Variants in YLPM1 observed in about 807,000 individuals in gnomAD.
YLPM1 encodes YLP motif-containing protein 1.
YLPM1 carries 99 observed loss-of-function variants against 230.0 expected under a neutral mutation model. That is an observed-to-expected ratio of 0.43 (90% confidence interval 0.37 to 0.51). The LOEUF (loss-of-function observed/expected upper bound fraction) is 0.51, where lower values mean the gene tolerates loss of function less well. YLPM1 is among the 20% of genes least tolerant of loss of function. The pLI is 0.00. For missense variants in YLPM1, 2,592 were observed against 2,707.7 expected (o/e 0.96, Z 0.95); for synonymous variants, 984 against 942.5 (o/e 1.04, Z -0.81).
rs367828677 is a variant in YLPM1, at chr14:74,836,003, C to T, written c.*265C>T. 6 of 419,318 alleles carry T rather than the reference C, an allele frequency of 1.4e-5. No homozygotes were observed. Among genetic ancestry groups the T allele is most frequent in the Non-Finnish European group, 2.4e-5 (5 of 211,180 alleles). 26.0% of individuals were successfully genotyped at this position (419,318 alleles called of 1,614,324 possible). ...TGATAGCTTAACTGCTGAAGCCAGG[C>T]GGGGGTCTGCTGGAGGATTCCAACA... On this transcript the variant is annotated 3_prime_UTR_variant, in exon 21 of 21. Coordinates refer to ENST00000325680, the MANE Select transcript of YLPM1 (RefSeq NM_019589.3).
At chr14:74,824,505 A>G (rs2091547330) in intron 18 of YLPM1, among the ~76,000 whole-genome samples, 198 bp downstream of exon 18, 1 of 152,136 alleles carries the variant, frequency 6.6e-6, no homozygotes, top group Non-Finnish European at 1.5e-5. Context: ...AACTGCTTTC[A>G]ATACTATTTA....
intron 2 of YLPM1, among the ~76,000 whole-genome samples, chr14:74,779,417 C>T (rs1384691797): frequency 6.6e-6 from 1 of 152,084 alleles, no homozygotes; most frequent in Non-Finnish European, 1.5e-5. Context: ...TAGTAGCTAT[C>T]ATATAGAGGT....
At chr14:74,768,049 C>T (rs2090930755) in intron 1 of YLPM1, among the ~76,000 whole-genome samples, 2 of 152,072 alleles carry the variant, frequency 1.3e-5, no homozygotes, top group Non-Finnish European at 2.9e-5. Flanking sequence ...TTTCATTAGA[C>T]AGAGGTTGCA....
Position 74,809,429 on chromosome 14 carries a change from C to A in YLPM1, c.4571C>A (p.Ser1524Ter). 1 of 1,607,608 alleles carries A rather than the reference C, an allele frequency of 6.2e-7. No individual in the cohort carries two copies. Among genetic ancestry groups the A allele is most frequent in the African/African-American group, 1.3e-5 (1 of 74,972 alleles). Reference protein sequence around the residue: ...PPPPMGKPPGSIVRPSAPPAR... With the variant: ...PPPPMGKPPG The stretch of plus-strand genomic sequence containing the variant: ...CCTCCTATGGGCAAACCACCAGGTT[C>A]AATTGTAAGACCCTCTGCTCCACCA... Residue 1524 changes from serine to a stop codon, truncating the protein, a stop_gained, in exon 7 of 21, where the codon TCA (serine) becomes TAA (stop). Coordinates refer to ENST00000325680, the MANE Select transcript of YLPM1 (RefSeq NM_019589.3). LOFTEE classifies it high-confidence loss of function.
At chr14:74,775,477 A>G (rs2091026439) in intron 1 of YLPM1, among the ~76,000 whole-genome samples, 1 of 152,246 alleles carries the variant, frequency 6.6e-6, no homozygotes, top group South Asian at 2.1e-4. Context: ...AGGAAATCCT[A>G]GTTATCCAGA....
Position 74,798,593 on chromosome 14 carries a change from GGA to G in YLPM1, c.3298_3299del (p.Ser1100ProfsTer31). Reference sequence around the variant, plus strand: ...GAGAAAGTGCCAGGTGGTCTTCAAGGGAGCCAGGACAGGGGTGCAGCTGGCAG... The same window carrying G: ...GAGAAAGTGCCAGGTGGTCTTCAAGGGCCAGGACAGGGGTGCAGCTGGCAG... On this transcript the variant is annotated frameshift_variant, in exon 5 of 21. Coordinates refer to ENST00000325680, the MANE Select transcript of YLPM1 (RefSeq NM_019589.3). LOFTEE classifies it high-confidence loss of function. 1 of 1,613,482 alleles carries G rather than the reference GGA, an allele frequency of 6.2e-7. No homozygotes were observed. Among genetic ancestry groups the G allele is most frequent in the Admixed American group, 1.7e-5 (1 of 59,990 alleles).
intron 8 of YLPM1, 108 bp downstream of exon 8, chr14:74,810,110 ATTCTTAG>A: frequency 6.9e-7 from 1 of 1,458,442 alleles, no homozygotes; most frequent in Non-Finnish European, 9.2e-7. Flanking sequence ...CAGCTAAAAG[ATTCTTAG>A]TTGAATTTAT....
chr14:74,782,472 A>T, intron 4 of YLPM1, 147 bp downstream of exon 4: 1 of 987,152 alleles, frequency 1.0e-6, no homozygotes, highest in Non-Finnish European at 1.4e-6. Flanking sequence ...GACATCACGT[A>T]TGTAATCTAG....
intron 16 of YLPM1, 109 bp downstream of exon 16, chr14:74,818,423 A>ACTTTTCT: frequency 1.2e-6 from 1 of 809,926 alleles, no homozygotes; most frequent in Non-Finnish European, 1.8e-6. Context: ...TATTCATACA[A>ACTTTTCT]GAACACCTAC....
intron 6 of YLPM1, among the ~76,000 whole-genome samples, chr14:74,807,130 T>C (rs1342686571): frequency 6.6e-6 from 1 of 152,174 alleles, no homozygotes; most frequent in Non-Finnish European, 1.5e-5. Flanking sequence ...TCAAATAATG[T>C]TCCTTCTGTA....
At chr14:74,812,809 T>G in intron 11 of YLPM1, 27 bp downstream of exon 11, 1 of 1,604,392 alleles carries the variant, frequency 6.2e-7, no homozygotes, top group Non-Finnish European at 8.5e-7. Flanking sequence ...TGATTCGTCT[T>G]CGTGCAAACC....
chr14:74,799,796 C>T (rs1206572955), intron 5 of YLPM1, 99 bp downstream of exon 5: 2 of 1,424,524 alleles, frequency 1.4e-6, no homozygotes, highest in East Asian at 2.5e-5. Flanking sequence ...CATTTTACTT[C>T]AAGTTCTTAT....
intron 17 of YLPM1, chr14:74,821,697 T>C (rs2091522013): frequency 6.6e-6 from 1 of 152,250 alleles, no homozygotes; most frequent in Non-Finnish European, 1.5e-5. Context: ...AGTGTGAGTT[T>C]AAAGTTTCTG....
chr14:74,829,346 A>G lies in YLPM1; in HGVS notation c.6294+3A>G, dbSNP rs2091590737. The G allele has an allele frequency of 6.2e-7, 1 of 1,612,726 alleles. No homozygotes were observed. The highest frequency in any genetic ancestry group is 2.2e-5 in the East Asian group (1 of 44,848). ...CTTCTGAGCCTGGGAAGAAGAGGGT[A>G]AGAGACTTTGTCAATAACTGCCAAC... is the stretch of plus-strand genomic sequence containing the variant. On this transcript the variant is annotated splice_donor_region_variant and intron_variant, in intron 19 of 20. Transcript: ENST00000325680.
rs775586371 is a variant in YLPM1, at chr14:74,778,523, A to G, written c.950A>G (p.Lys317Arg). Residue 317 changes from lysine (K) to arginine (R), a missense_variant, in exon 2 of 21, where the codon AAA becomes AGA. Physicochemically the swap from Lys to Arg is conservative, Grantham distance 26. This residue lies in a region of YLPM1 where 1,862 missense variants were observed against 1,819.8 expected (regional missense o/e 1.02). Coordinates refer to ENST00000325680, the MANE Select transcript of YLPM1 (RefSeq NM_019589.3). ...QRTKVHLPGHKKGPVVAKDTP... is the reference protein window; with the variant it reads ...QRTKVHLPGHRKGPVVAKDTP... ...ACAAAAGTTCATTTGCCAGGACACA[A>G]AAAGGGTCCTGTGGTAGCAAAGGAT... 8.1e-6 allele frequency: 13 copies of G among 1,608,150 alleles called. No homozygotes were observed. Among genetic ancestry groups the G allele is most frequent in the Non-Finnish European group, 1.1e-5 (13 of 1,177,352 alleles).
chr14:74,770,181 CA>C (rs749198220), intron 1 of YLPM1, among the ~76,000 whole-genome samples: 105 of 119,532 alleles, frequency 8.8e-4, no homozygotes, highest in Admixed American at 1.1e-3. Flanking sequence ...GACTCCGACT[CA>C]AAAAAAAAAA....
At position 74,798,680 on chromosome 14, in the gene YLPM1, C is replaced by T; in HGVS notation, c.3383C>T (p.Ala1128Val). The T allele has an allele frequency of 6.2e-7, 1 of 1,611,402 alleles. No homozygotes were observed. The highest frequency in any genetic ancestry group is 1.3e-5 in the African/African-American group (1 of 74,798). ...GSQERGPLRR[A>V]GSRERIPPRR... The stretch of plus-strand genomic sequence containing the variant: ...CAGGAGAGGGGACCTCTTCGAAGGG[C>T]TGGGAGTAGAGAGAGAATACCACCC... The change falls in exon 5 of 21, where the codon GCT becomes GTT. Residue 1128 changes from alanine to valine, a missense_variant. By Grantham distance (64) the Ala-to-Val change is moderately conservative. This residue lies in a region of YLPM1 where 1,862 missense variants were observed against 1,819.8 expected (regional missense o/e 1.02). Coordinates refer to ENST00000325680, the MANE Select transcript of YLPM1 (RefSeq NM_019589.3).
At chr14:74,764,766 A>C (rs1041178529) in intron 1 of YLPM1, among the ~76,000 whole-genome samples, 2 of 152,224 alleles carry the variant, frequency 1.3e-5, no homozygotes, top group African/African-American at 4.8e-5. Context: ...AAGGGCTGAC[A>C]CTTGAATGTT....
At chr14:74,794,623 T>C (rs2091240811) in intron 4 of YLPM1, among the ~76,000 whole-genome samples, 1 of 151,660 alleles carries the variant, frequency 6.6e-6, no homozygotes, top group South Asian at 2.1e-4. Context: ...TTTAAGATAA[T>C]ATTAGTTCAT....
Sources: allele counts gnomAD v4.1 joint callset (sites outside exome capture counted in the v4.1 genomes callset), GRCh38; gene constraint gnomAD v4.1.1; regional missense constraint gnomAD v4.1.1; transcripts MANE v1.5; gene names NCBI Gene and HGNC (gene_info 2026-07-23, HGNC 2026-07-21).